The following ZNF385D variants were observed in gnomAD, a reference collection of about 807,000 sequenced individuals.
ZNF385D encodes zinc finger protein 385D.
In ZNF385D, 15 loss-of-function variants were observed where a neutral mutation model predicts 35.8. The observed-to-expected ratio is 0.42, with a 90% confidence interval of 0.28 to 0.64. The LOEUF (loss-of-function observed/expected upper bound fraction) is 0.64. Ranked by LOEUF, ZNF385D falls within the 30% of genes least tolerant of loss-of-function variation. ZNF385D has a pLI of 0.23. For missense variants in ZNF385D, 474 were observed against 494.6 expected (o/e 0.96, Z 0.39); for synonymous variants, 212 against 186.8 (o/e 1.13, Z -1.10).
intron 3 of ZNF385D, among the ~76,000 whole-genome samples, chr3:22,110,142 G>A (rs1328449081): frequency 6.6e-6 from 1 of 152,016 alleles, no homozygotes; most frequent in Non-Finnish European, 1.5e-5. Flanking sequence ...GAAACAACAG[G>A]TGCTGGAGAG....
At chr3:21,580,051 TATAAGA>T (rs888091730) in intron 2 of ZNF385D, 1 of 152,144 alleles carries the variant, frequency 6.6e-6, no homozygotes, top group African/African-American at 2.4e-5. Flanking sequence ...GAACGGATGA[TATAAGA>T]ATCTACTAAT....
At chr3:21,466,109 A>T (rs780223924) in intron 4 of ZNF385D, among the ~76,000 whole-genome samples, 1 of 152,166 alleles carries the variant, frequency 6.6e-6, no homozygotes, top group East Asian at 1.9e-4. Flanking sequence ...TAGCCCTGCA[A>T]ATAATGTCTT....
intron 4 of ZNF385D, among the ~76,000 whole-genome samples, chr3:21,468,294 C>T (rs1158566497): frequency 2.1e-5 from 3 of 145,302 alleles, no homozygotes; most frequent in East Asian, 2.1e-4. Flanking sequence ...CCCAGCTACT[C>T]GGGAGGCTGA....
intron 3 of ZNF385D, among the ~76,000 whole-genome samples, chr3:21,792,874 T>A (rs1164646243): frequency 6.6e-6 from 1 of 152,244 alleles, no homozygotes; most frequent in African/African-American, 2.4e-5. Context: ...TCTGGTTTTG[T>A]GCATTTTTAT....
chr3:21,870,074 T>A (rs1697604377), intron 3 of ZNF385D, among the ~76,000 whole-genome samples: 1 of 152,118 alleles, frequency 6.6e-6, no homozygotes, highest in Non-Finnish European at 1.5e-5. Context: ...TGAACAGTAA[T>A]TCCAAAAATA....
intron 1 of ZNF385D, among the ~76,000 whole-genome samples, chr3:21,673,431 C>A (rs562716361): frequency 8.5e-5 from 13 of 152,212 alleles, no homozygotes; most frequent in Non-Finnish European, 1.5e-4. Flanking sequence ...AAATAATTTA[C>A]AGATAAGATG....
chr3:22,184,332 T>C (rs1695482513), intron 2 of ZNF385D, among the ~76,000 whole-genome samples: 2 of 152,116 alleles, frequency 1.3e-5, no homozygotes, highest in Non-Finnish European at 2.9e-5. Flanking sequence ...GTCTTTAAAA[T>C]ATATCTTAAA....
chr3:21,893,703 A>C (rs760863944), intron 3 of ZNF385D, among the ~76,000 whole-genome samples: 1 of 152,128 alleles, frequency 6.6e-6, no homozygotes, highest in Non-Finnish European at 1.5e-5. Context: ...GGAAATTGAG[A>C]ATTGGCAACA....
Position 22,208,545 on chromosome 3 carries a change from T to G in ZNF385D, c.107-39510A>C, listed in dbSNP as rs539346528. On this transcript the variant is annotated intron_variant, in intron 2 of 5. Coordinates refer to the ZNF385D transcript ENST00000494108. ...GTCTACAGTCAATAATAATTGTACATTGTAAATAAATAAAAGTATATAATT... is the reference window on the plus strand; with the variant it reads ...GTCTACAGTCAATAATAATTGTACAGTGTAAATAAATAAAAGTATATAATT... Among the ~76,000 whole-genome samples the G allele has an allele frequency of 1.3e-3, 201 of 151,802 alleles. 1 individual carries two copies. The highest frequency in any genetic ancestry group is 4.6e-3 in the African/African-American group (191 of 41,504).
chr3:21,831,635 A>C (rs934691404), intron 3 of ZNF385D, among the ~76,000 whole-genome samples: 1 of 152,174 alleles, frequency 6.6e-6, no homozygotes, highest in African/African-American at 2.4e-5. Flanking sequence ...CCATGAACTC[A>C]ACTTGTAGAA....
chr3:22,140,881 G>A (rs921135827), intron 3 of ZNF385D, among the ~76,000 whole-genome samples: 1 of 152,182 alleles, frequency 6.6e-6, no homozygotes, highest in Non-Finnish European at 1.5e-5. Flanking sequence ...GAAGACAAAT[G>A]AGACAATACA....
chr3:22,125,795 C>T (rs1225653321), intron 3 of ZNF385D, among the ~76,000 whole-genome samples: 1 of 151,992 alleles, frequency 6.6e-6, no homozygotes, highest in East Asian at 1.9e-4. Flanking sequence ...CTGAATTTAT[C>T]AATTCTCATC....
chr3:21,668,166 T>C (rs1389021049), intron 1 of ZNF385D, among the ~76,000 whole-genome samples: 1 of 152,140 alleles, frequency 6.6e-6, no homozygotes, highest in Admixed American at 6.5e-5. Context: ...TGCTGGTGGC[T>C]GATGTCCCTG....
At chr3:21,832,304 T>C (rs1031905769) in intron 3 of ZNF385D, among the ~76,000 whole-genome samples, 5 of 152,230 alleles carry the variant, frequency 3.3e-5, no homozygotes, top group African/African-American at 9.6e-5. Flanking sequence ...CATCTCTATA[T>C]TGTCATCTGC....
intron 2 of ZNF385D, among the ~76,000 whole-genome samples, chr3:21,636,412 A>ATG (rs2065449818): frequency 6.7e-5 from 3 of 44,656 alleles, no homozygotes; most frequent in Admixed American, 2.8e-4. Flanking sequence ...ATATATATAT[A>ATG]TAGAGTTTCT....
At chr3:21,586,577 T>C (rs778211023) in intron 2 of ZNF385D, among the ~76,000 whole-genome samples, 1 of 152,040 alleles carries the variant, frequency 6.6e-6, no homozygotes, top group South Asian at 2.1e-4. Flanking sequence ...TAAAGACAAA[T>C]TGAGGAGGTT....
At chr3:21,749,866 A>G (rs907381427) in intron 1 of ZNF385D, among the ~76,000 whole-genome samples, 2 of 152,206 alleles carry the variant, frequency 1.3e-5, no homozygotes, top group African/African-American at 4.8e-5. Flanking sequence ...TAGTGCCCCA[A>G]CCTAAGTTTA....
At chr3:21,993,741 A>C (rs574182448) in intron 3 of ZNF385D, among the ~76,000 whole-genome samples, 9 of 152,354 alleles carry the variant, frequency 5.9e-5, no homozygotes, top group Middle Eastern at 3.4e-3. Flanking sequence ...ACATTCCTGC[A>C]GATCATTTGA....
At chr3:22,300,793 T>C (rs1438890522) in intron 2 of ZNF385D, among the ~76,000 whole-genome samples, 3 of 151,948 alleles carry the variant, frequency 2.0e-5, no homozygotes, top group Non-Finnish European at 4.4e-5. Flanking sequence ...AGATAAAAGT[T>C]GGTAATAACA....
Sources: allele counts gnomAD v4.1 joint callset (sites outside exome capture counted in the v4.1 genomes callset), GRCh38; gene constraint gnomAD v4.1.1; transcripts MANE v1.5; gene names NCBI Gene and HGNC (gene_info 2026-07-23, HGNC 2026-07-21).